The following RTL4 variants were observed in gnomAD, a reference collection of about 807,000 sequenced individuals.
RTL4 encodes retrotransposon Gag-like protein 4.
Under a neutral mutation model 5.3 loss-of-function variants are expected in RTL4, and 4 were observed. The observed-to-expected ratio is 0.75, with a 90% CI of 0.37 to 1.72. RTL4 has a LOEUF of 1.72. Ranked by LOEUF, RTL4 falls within the 40% of genes most tolerant of loss-of-function variation. The pLI, the probability that RTL4 is intolerant of heterozygous loss-of-function variation, is 0.04. For synonymous variants in RTL4, 98 were observed against 87.3 expected, an observed-to-expected ratio of 1.12 and a Z score of -0.68; for missense variants, 260 against 227.1, an observed-to-expected ratio of 1.14 and a Z score of -0.93.
chrX:112,260,526 TA>T, the RTL4 span, among the ~76,000 whole-genome samples: 8 of 111,774 alleles, frequency 7.2e-5, no homozygotes, highest in Non-Finnish European at 1.3e-4. Context: ...ATAATGGTTT[TA>T]AAAGGGGGAT....
the RTL4 span, among the ~76,000 whole-genome samples, chrX:112,261,729 T>A: frequency 1.8e-5 from 2 of 111,733 alleles, no homozygotes; most frequent in African/African-American, 6.5e-5. Context: ...GAGGCCACAT[T>A]GCCAAGTCAA....
the RTL4 span, among the ~76,000 whole-genome samples, chrX:112,254,516 C>T: frequency 2.7e-5 from 3 of 110,196 alleles, no homozygotes; most frequent in East Asian, 2.9e-4. Flanking sequence ...TTTTAGTAGA[C>T]GGGAGTTTCA....
chrX:112,313,867 A>T, the RTL4 span, among the ~76,000 whole-genome samples: 1 of 111,056 alleles, frequency 9.0e-6, no homozygotes, highest in Non-Finnish European at 1.9e-5. Flanking sequence ...TAAGAAAAAA[A>T]GGCAAAGAGG....
chrX:112,288,251 C>T, the RTL4 span, among the ~76,000 whole-genome samples: 28 of 112,163 alleles, frequency 2.5e-4, no homozygotes, highest in East Asian at 3.4e-3. Context: ...AATAGTTCAG[C>T]GTAAGAAATT....
At chrX:112,336,559 G>GT in the RTL4 span, among the ~76,000 whole-genome samples, 4 of 111,733 alleles carry the variant, frequency 3.6e-5, no homozygotes, top group Non-Finnish European at 7.5e-5. Flanking sequence ...ATTATTTATT[G>GT]TTTTTTGTTC....
the RTL4 span, among the ~76,000 whole-genome samples, chrX:112,105,723 T>G: frequency 8.9e-6 from 1 of 111,920 alleles, no homozygotes; most frequent in Non-Finnish European, 1.9e-5. Context: ...TGATTTTGTA[T>G]GTTGATTTTG....
the RTL4 span, among the ~76,000 whole-genome samples, chrX:112,307,876 C>G: frequency 9.0e-6 from 1 of 111,730 alleles, no homozygotes; most frequent in South Asian, 3.8e-4. Context: ...ACTTCCTCAT[C>G]ATCACTCACT....
At chrX:112,168,803 A>T in the RTL4 span, among the ~76,000 whole-genome samples, 3 of 111,763 alleles carry the variant, frequency 2.7e-5, no homozygotes, top group Non-Finnish European at 5.6e-5. Flanking sequence ...AATAATAAGT[A>T]TAAGCAGGTG....
At chrX:112,419,551 G>T in the RTL4 span, among the ~76,000 whole-genome samples, 1 of 7,229 alleles carries the variant, frequency 1.4e-4, no homozygotes, top group Non-Finnish European at 1.1e-3. Context: ...GTAGAGGCAG[G>T]GTTTCACTAT....
the RTL4 span, among the ~76,000 whole-genome samples, chrX:112,086,626 T>G: frequency 8.9e-6 from 1 of 111,978 alleles, no homozygotes; most frequent in Non-Finnish European, 1.9e-5. Context: ...AAAATAAGTT[T>G]CCGGTGAGCC....
the RTL4 span, among the ~76,000 whole-genome samples, chrX:112,332,530 AG>A: frequency 1.8e-5 from 2 of 109,632 alleles, no homozygotes; most frequent in African/African-American, 6.8e-5. Flanking sequence ...TGTCCTTTGT[AG>A]GGACATGGAT....
At chrX:112,284,274 G>T in the RTL4 span, among the ~76,000 whole-genome samples, 3 of 108,936 alleles carry the variant, frequency 2.8e-5, no homozygotes, top group East Asian at 8.5e-4. Flanking sequence ...AAATACAAAT[G>T]TTTGATGTGA....
At chrX:112,172,059 C>T in the RTL4 span, among the ~76,000 whole-genome samples, 2 of 112,312 alleles carry the variant, frequency 1.8e-5, no homozygotes, top group African/African-American at 6.5e-5. Flanking sequence ...AAAGGCTGGG[C>T]GTGGTGGCTC....
the RTL4 span, among the ~76,000 whole-genome samples, chrX:112,241,623 A>T: frequency 1.8e-5 from 2 of 111,902 alleles, no homozygotes; most frequent in Admixed American, 9.5e-5. Flanking sequence ...ACATTGCACA[A>T]ATTTTCTCCC....
chrX:112,249,292 C>T, the RTL4 span, among the ~76,000 whole-genome samples: 1 of 111,604 alleles, frequency 9.0e-6, no homozygotes, highest in Non-Finnish European at 1.9e-5. Flanking sequence ...GAATGGAGTC[C>T]AAGGTTTGAT....
the RTL4 span, among the ~76,000 whole-genome samples, chrX:112,258,277 A>C: frequency 9.0e-6 from 1 of 110,804 alleles, no homozygotes; most frequent in African/African-American, 3.3e-5. Context: ...ACCCTATTGT[A>C]AACTATGGGC....
chrX:112,111,282 A>G, the RTL4 span, among the ~76,000 whole-genome samples: 10 of 79,097 alleles, frequency 1.3e-4, no homozygotes, highest in Admixed American at 1.3e-3. Flanking sequence ...TTTCTCTCCG[A>G]CTCCCTCTTT....
At chrX:112,325,786 C>A in the RTL4 span, among the ~76,000 whole-genome samples, 1 of 112,241 alleles carries the variant, frequency 8.9e-6, no homozygotes, top group Non-Finnish European at 1.9e-5. Context: ...GCAACAAAAG[C>A]CAAAATTCAC....
At chrX:112,351,384 C>T in the RTL4 span, among the ~76,000 whole-genome samples, 1 of 109,302 alleles carries the variant, frequency 9.1e-6, no homozygotes, top group Non-Finnish European at 1.9e-5. Flanking sequence ...CTTTTAGGTC[C>T]ACGTGGTGCA....
Sources: gnomAD v4.1 joint callset for allele counts (sites outside exome capture counted in the v4.1 genomes callset) on GRCh38, gnomAD v4.1.1 for gene constraint, MANE v1.5 for transcripts, NCBI Gene and HGNC (gene_info 2026-07-23, HGNC 2026-07-21) for gene names.